MSANTD5: variants seen among roughly 807,000 people sequenced by gnomAD.
MSANTD5 encodes uncharacterized protein MSANTD5.
upstream of MSANTD5, among the ~76,000 whole-genome samples, chr5:178,699,133 C>A (rs1433001364): frequency 6.6e-6 from 1 of 152,088 alleles, no homozygotes; most frequent in Non-Finnish European, 1.5e-5. Context: ...ATTCCTTCCT[C>A]TCCCCCAAAT....
At chr5:178,707,060 A>C in the MSANTD5 span, 1 of 152,188 alleles carries the variant, frequency 6.6e-6, no homozygotes. Context: ...CAGAAAGATA[A>C]AAGTCACTGC....
the MSANTD5 span, among the ~76,000 whole-genome samples, chr5:178,707,470 G>A: frequency 1.4e-5 from 2 of 147,558 alleles, no homozygotes; most frequent in Non-Finnish European, 3.0e-5. Context: ...TGTAATCCCA[G>A]CACTTTGGGA....
the MSANTD5 span, among the ~76,000 whole-genome samples, chr5:178,702,732 G>A: frequency 1.3e-4 from 20 of 151,780 alleles, no homozygotes; most frequent in Middle Eastern, 3.4e-3. Context: ...CGAGTAGCTG[G>A]GATTACAGGT....
downstream of MSANTD5, among the ~76,000 whole-genome samples, chr5:178,693,571 C>T (rs1022823009): frequency 1.5e-4 from 23 of 151,988 alleles, no homozygotes; most frequent in African/African-American, 5.6e-4. Context: ...AAAGGGTGAG[C>T]AGCAGCAAGA....
the MSANTD5 span, among the ~76,000 whole-genome samples, chr5:178,704,340 G>C: frequency 6.6e-6 from 1 of 152,196 alleles, no homozygotes; most frequent in Non-Finnish European, 1.5e-5. Flanking sequence ...GCTGAGTCAT[G>C]AGGGTGGAGC....
chr5:178,701,307 C>A (rs1581735402), upstream of MSANTD5, among the ~76,000 whole-genome samples: 1 of 152,060 alleles, frequency 6.6e-6, no homozygotes, highest in Middle Eastern at 3.4e-3. Context: ...TTGGGAAAAT[C>A]ATCTAATCTA....
At chr5:178,706,370 T>A in the MSANTD5 span, among the ~76,000 whole-genome samples, 1 of 152,060 alleles carries the variant, frequency 6.6e-6, no homozygotes, top group Admixed American at 6.5e-5. Flanking sequence ...ATGGTCCTCC[T>A]CGGGGACAGT....
intron 1 of MSANTD5, among the ~76,000 whole-genome samples, chr5:178,697,314 C>A (rs1048311440): frequency 6.6e-6 from 1 of 151,414 alleles, no homozygotes; most frequent in African/African-American, 2.4e-5. Flanking sequence ...ATTAGCCGGG[C>A]GTGGTGGCGG....
At chr5:178,703,756 G>A in the MSANTD5 span, among the ~76,000 whole-genome samples, 2 of 152,096 alleles carry the variant, frequency 1.3e-5, no homozygotes, top group Non-Finnish European at 2.9e-5. Context: ...GCTGAGGCAG[G>A]TGGATCATGA....
upstream of MSANTD5, among the ~76,000 whole-genome samples, chr5:178,701,506 A>T (rs1015797681): frequency 6.6e-5 from 10 of 151,220 alleles, no homozygotes; most frequent in Admixed American, 5.9e-4. Flanking sequence ...ATTAATTTAA[A>T]ATATATATAT....
the MSANTD5 span, chr5:178,706,904 T>G: frequency 1.3e-5 from 2 of 152,024 alleles, no homozygotes; most frequent in East Asian, 3.9e-4. Flanking sequence ...CTCAGTTTAG[T>G]CCATATTCAA....
At chr5:178,697,322 C>G (rs4597992) in intron 1 of MSANTD5, among the ~76,000 whole-genome samples, 2,854 of 150,366 alleles carry the variant, frequency 0.019, 105 homozygotes, top group African/African-American at 0.068. Context: ...GGCGTGGTGG[C>G]GGGCGCCTGT....
At chr5:178,705,677 C>T in the MSANTD5 span, among the ~76,000 whole-genome samples, 2 of 152,078 alleles carry the variant, frequency 1.3e-5, no homozygotes, top group South Asian at 2.1e-4. Context: ...GTTGTCTTGG[C>T]TGGGCATGGT....
chr5:178,697,355 G>C (rs1765428130), intron 1 of MSANTD5, among the ~76,000 whole-genome samples: 2 of 152,068 alleles, frequency 1.3e-5, no homozygotes, highest in Non-Finnish European at 2.9e-5. Context: ...TCGGGAGGCT[G>C]AGGCAGGAGA....
the MSANTD5 span, among the ~76,000 whole-genome samples, chr5:178,703,808 C>T: frequency 6.6e-6 from 1 of 151,796 alleles, no homozygotes; most frequent in Non-Finnish European, 1.5e-5. Flanking sequence ...TGGTGAAACC[C>T]CGTCTCTACT....
At chr5:178,693,334 G>A (rs551920463), downstream of MSANTD5, among the ~76,000 whole-genome samples, 5 of 151,998 alleles carry the variant, frequency 3.3e-5, no homozygotes, top group East Asian at 3.9e-4. Context: ...TAATGTGTCC[G>A]GAATTTATTC....
upstream of MSANTD5, among the ~76,000 whole-genome samples, chr5:178,700,609 C>CAA (rs1765466670): frequency 9.1e-5 from 5 of 54,980 alleles, no homozygotes; most frequent in Non-Finnish European, 2.0e-4. Flanking sequence ...CTAGCACTCC[C>CAA]GAGAGAGTGT....
At chr5:178,707,332 G>A in the MSANTD5 span, among the ~76,000 whole-genome samples, 3 of 152,042 alleles carry the variant, frequency 2.0e-5, no homozygotes, top group African/African-American at 7.3e-5. Context: ...GCTATCAGAG[G>A]TTGTCTGTGT....
chr5:178,705,563 A>C, the MSANTD5 span, among the ~76,000 whole-genome samples: 1 of 152,164 alleles, frequency 6.6e-6, no homozygotes, highest in Admixed American at 6.5e-5. Flanking sequence ...GCAGCGCCTA[A>C]TCCAGGGTTT....
Sources: gnomAD v4.1 joint callset for allele counts (sites outside exome capture counted in the v4.1 genomes callset) on GRCh38, gnomAD v4.1.1 for gene constraint, MANE v1.5 for transcripts, NCBI Gene and HGNC (gene_info 2026-07-23, HGNC 2026-07-21) for gene names.